Variants in HECW2 observed in about 807,000 individuals in gnomAD.
HECW2 encodes HECT, C2 and WW domain containing E3 ubiquitin protein ligase 2.
A neutral mutation model predicts 175.2 loss-of-function variants in HECW2; 61 were observed. That is an observed-to-expected ratio of 0.35 (90% CI 0.28 to 0.43). HECW2 has a LOEUF of 0.43. Among genes scored for constraint, HECW2 ranks in the 20% least tolerant of loss-of-function variants. The pLI, the probability that HECW2 is intolerant of heterozygous loss-of-function variation, is 1.00. For missense variants in HECW2, 1,524 were observed against 2,000.5 expected (o/e 0.76, Z 4.54); for synonymous variants, 671 against 731.0 (o/e 0.92, Z 1.32).
intron 1 of HECW2, among the ~76,000 whole-genome samples, chr2:196,591,536 T>A (rs909718197): frequency 6.6e-6 from 1 of 152,228 alleles, no homozygotes; most frequent in Non-Finnish European, 1.5e-5. Flanking sequence ...TTGGGACTTT[T>A]TGAATGTTCA....
rs1688587051 is a variant in HECW2, at chr2:196,525,111, TA to T, written c.-36+68396del. The stretch of plus-strand genomic sequence containing the variant: ...CTCCCATTATTAATGTGTGGGAGTC[TA>T]AGTCTCTTTGTAGGTCACTCAGGAC... On this transcript the variant is annotated intron_variant, in intron 1 of 28. Transcript: ENST00000644978. Among the ~76,000 whole-genome samples the T allele has an allele frequency of 3.5e-5, 5 of 144,100 alleles. No homozygotes were observed. The South Asian group carries it at 1.1e-3, about 32-fold the overall frequency. The allele number at this position is 144,100 out of a possible 152,430, so 94.5% of individuals were successfully genotyped here.
In HECW2 at chr2:196,216,030, G is replaced by A. The variant is rs1046329694; in HGVS notation, c.4495-53C>T. 7 of 1,275,168 alleles carry A rather than the reference G, an allele frequency of 5.5e-6. No homozygotes were observed. The African/African-American group carries it at 8.8e-5, about 16-fold the overall frequency. The allele number at this position is 1,275,168 out of a possible 1,614,324, so 79.0% of individuals were successfully genotyped here. A position where few individuals can be genotyped will look rare whatever the true frequency, so the allele number is the denominator to read the frequency against. ...AGGTGAAGCCAGAGACCAACAGCCA[G>A]GAAAGGCATCACGTCATTCACGGGC... On this transcript the variant is annotated intron_variant, in intron 27 of 28. Coordinates refer to ENST00000644978, the MANE Select transcript of HECW2 (RefSeq NM_001348768.2).
chr2:196,257,686 C>G, intron 18 of HECW2, 137 bp downstream of exon 18: 1 of 640,212 alleles, frequency 1.6e-6, no homozygotes, highest in Non-Finnish European at 2.7e-6. Flanking sequence ...CACCCTAAAT[C>G]TTCAAAATAT....
chr2:196,539,861 C>T (rs1475765317), intron 1 of HECW2, among the ~76,000 whole-genome samples: 1 of 152,152 alleles, frequency 6.6e-6, no homozygotes, highest in Non-Finnish European at 1.5e-5. Context: ...TACCTCTGAG[C>T]ACTGCAAGGA....
chr2:196,350,209 C>CA (rs1693121258), intron 2 of HECW2, among the ~76,000 whole-genome samples: 1 of 151,990 alleles, frequency 6.6e-6, no homozygotes, highest in Non-Finnish European at 1.5e-5. Context: ...AATAAAAATA[C>CA]AAAAAATTAG....
rs763648667 is a variant in HECW2, at chr2:196,552,498, A to ATAT, written c.-36+41007_-36+41009dup. On this transcript the variant is annotated intron_variant, in intron 1 of 28. Transcript: ENST00000644978. ...CTCCATCTTCAGAGAAAACAGAGAT[A>ATAT]TATTCATAGTCCATTAGCAAAGAAG... Among the ~76,000 whole-genome samples the ATAT allele has an allele frequency of 9.2e-5, 14 of 152,240 alleles. 1 individual carries two copies. The highest frequency in any genetic ancestry group is 1.9e-4 in the Non-Finnish European group (13 of 68,046).
At chr2:196,500,362 T>C (rs902466746) in intron 1 of HECW2, among the ~76,000 whole-genome samples, 7 of 152,334 alleles carry the variant, frequency 4.6e-5, no homozygotes, top group Admixed American at 2.0e-4. Flanking sequence ...CACTTCATCA[T>C]ACTTACATAC....
rs1187822436 is a variant in HECW2, at chr2:196,197,440, A to T, written c.*3837T>A. 6.6e-6 allele frequency: 1 copy of T among 151,868 alleles called. No homozygotes were observed. The highest frequency in any genetic ancestry group is 1.5e-5 in the Non-Finnish European group (1 of 68,002). The allele number at this position is 151,868 out of a possible 1,614,324, so 9.4% of individuals were successfully genotyped here. A position where few individuals can be genotyped will look rare whatever the true frequency, so the allele number is the denominator to read the frequency against. ...CTTGTTTCCAAATAATACTTGAGAA[A>T]ATTAAATGACTATTCTGTATAAATC... On this transcript the variant is annotated 3_prime_UTR_variant, in exon 29 of 29. Coordinates refer to ENST00000644978, the MANE Select transcript of HECW2 (RefSeq NM_001348768.2).
chr2:196,196,810 A>T lies in HECW2; in HGVS notation c.*4467T>A, dbSNP rs556862760. The T allele has an allele frequency of 2.0e-5, 3 of 152,276 alleles. No individual in the cohort carries two copies. Among genetic ancestry groups the T allele is most frequent in the Admixed American group, 2.0e-4 (3 of 15,278 alleles). The allele number at this position is 152,276 out of a possible 1,614,324, so 9.4% of individuals were successfully genotyped here. ...GACCTTATCACAAATAAACAAAAAC[A>T]ACTGCCAGCATGGTGGCTCACACCT... On this transcript the variant is annotated 3_prime_UTR_variant, in exon 29 of 29. Transcript: ENST00000644978.
rs79673915 is a variant in HECW2 at position 196,327,621 on chromosome 2, T to C, written c.571+1954A>G. On this transcript the variant is annotated intron_variant, in intron 5 of 28. Coordinates refer to ENST00000644978, the MANE Select transcript of HECW2 (RefSeq NM_001348768.2). Reference sequence around the variant, plus strand: ...AGGCAGCCATTCTAAAGTGCTTAAATGTTCTCAGATAAATATTATCATCTG... The same window carrying C: ...AGGCAGCCATTCTAAAGTGCTTAAACGTTCTCAGATAAATATTATCATCTG... Among the ~76,000 whole-genome samples the C allele has an allele frequency of 5.7e-4, 87 of 152,344 alleles. 2 individuals are homozygous for C. The East Asian group carries it at 0.011, about 19-fold the overall frequency.
chr2:196,549,468 T>A (rs1213117373), intron 1 of HECW2, among the ~76,000 whole-genome samples: 2 of 152,256 alleles, frequency 1.3e-5, no homozygotes, highest in East Asian at 3.8e-4. Flanking sequence ...GTCTTTTTTT[T>A]ACTCAAGATA....
intron 1 of HECW2, among the ~76,000 whole-genome samples, chr2:196,492,317 TC>T (rs1024900689): frequency 6.6e-6 from 1 of 152,104 alleles, no homozygotes; most frequent in African/African-American, 2.4e-5. Flanking sequence ...GACCATGGGT[TC>T]CCATGATGCC....
intron 1 of HECW2, among the ~76,000 whole-genome samples, chr2:196,510,862 T>A (rs1687924657): frequency 6.6e-6 from 1 of 152,192 alleles, no homozygotes; most frequent in African/African-American, 2.4e-5. Flanking sequence ...AAGCAATTAG[T>A]AGTGAGGACT....
At chr2:196,357,997 T>C (rs1024976336) in intron 2 of HECW2, among the ~76,000 whole-genome samples, 1 of 152,200 alleles carries the variant, frequency 6.6e-6, no homozygotes, top group Non-Finnish European at 1.5e-5. Flanking sequence ...ATTTTCCTTT[T>C]CTATGTATAT....
chr2:196,240,820 GTCAAA>G (rs1479195267), intron 20 of HECW2, among the ~76,000 whole-genome samples: 2 of 133,114 alleles, frequency 1.5e-5, no homozygotes, highest in Non-Finnish European at 3.3e-5. Flanking sequence ...TATCTAAATG[GTCAAA>G]TCAGTTTATC....
chr2:196,559,852 T>C (rs1005922040), intron 1 of HECW2, among the ~76,000 whole-genome samples: 1 of 152,172 alleles, frequency 6.6e-6, no homozygotes, highest in Non-Finnish European at 1.5e-5. Context: ...TATTAAACAA[T>C]TGTATTGAGC....
intron 1 of HECW2, among the ~76,000 whole-genome samples, chr2:196,512,375 TTTAACCC>T (rs1477234288): frequency 6.6e-6 from 1 of 152,200 alleles, no homozygotes; most frequent in African/African-American, 2.4e-5. Flanking sequence ...ATGTCACTTT[TTTAACCC>T]TTCAACTGAT....
intron 1 of HECW2, among the ~76,000 whole-genome samples, chr2:196,485,698 T>C (rs970289482): frequency 4.6e-5 from 7 of 152,116 alleles, no homozygotes; most frequent in Non-Finnish European, 1.0e-4. Flanking sequence ...AAGGCGTGTT[T>C]AGGAAAGCTA....
intron 2 of HECW2, among the ~76,000 whole-genome samples, chr2:196,391,217 TA>T (rs1250859376): frequency 6.6e-6 from 1 of 152,200 alleles, no homozygotes; most frequent in Non-Finnish European, 1.5e-5. Context: ...GCTCTCTCCG[TA>T]ACCCAGGTTC....
Sources: gnomAD v4.1 joint callset for allele counts (sites outside exome capture counted in the v4.1 genomes callset) on GRCh38, gnomAD v4.1.1 for gene constraint, MANE v1.5 for transcripts, NCBI Gene and HGNC (gene_info 2026-07-23, HGNC 2026-07-21) for gene names.